Variants in PPFIA1 observed in about 807,000 individuals in gnomAD.
PPFIA1 encodes PPFI scaffold protein A1.
PPFIA1 carries 25 observed loss-of-function variants against 149.9 expected under a neutral mutation model. The ratio of observed to expected loss-of-function variants is 0.17; its 90% CI spans 0.12 to 0.23. The LOEUF (loss-of-function observed/expected upper bound fraction) is 0.23. PPFIA1 is among the 10% of genes least tolerant of loss of function. The pLI is 1.00. For missense variants in PPFIA1, 1,362 were observed against 1,506.5 expected (o/e 0.90, Z 1.59); for synonymous variants, 549 against 552.8 (o/e 0.99, Z 0.10).
chr11:70,352,762 G>A (rs575994301), intron 16 of PPFIA1, among the ~76,000 whole-genome samples: 2 of 120,666 alleles, frequency 1.7e-5, no homozygotes, highest in African/African-American at 3.6e-5. Context: ...GGAGGGCGGC[G>A]TGTGGAGGTG....
In PPFIA1 at chr11:70,326,836, C is replaced by T. The variant is rs542699097; in HGVS notation, c.930+18C>T. 1 of 1,593,378 alleles carries T rather than the reference C, an allele frequency of 6.3e-7. No individual in the cohort carries two copies. The highest frequency in any genetic ancestry group is 1.7e-5 in the Admixed American group (1 of 59,730). On this transcript the variant is annotated intron_variant, in intron 7 of 27. Transcript: ENST00000253925. Reference sequence around the variant, plus strand: ...TCCGTGAAGTGAGCAATAACAAAAACTACAGTCTTGTCATGAAGTTGTATG... The same window carrying T: ...TCCGTGAAGTGAGCAATAACAAAAATTACAGTCTTGTCATGAAGTTGTATG...
intron 16 of PPFIA1, chr11:70,350,847 G>C (rs998427632): frequency 4.4e-6 from 1 of 227,426 alleles, no homozygotes; most frequent in Non-Finnish European, 7.5e-6. Context: ...TGAAAAAATG[G>C]TTCTGTATCC....
intron 2 of PPFIA1, among the ~76,000 whole-genome samples, chr11:70,315,405 G>A (rs1314478108): frequency 1.3e-5 from 2 of 152,168 alleles, no homozygotes; most frequent in Non-Finnish European, 2.9e-5. Flanking sequence ...CTGACGGGCA[G>A]ATAGATATAG....
At chr11:70,368,079 A>G (rs1377964783) in intron 21 of PPFIA1, among the ~76,000 whole-genome samples, 1 of 152,156 alleles carries the variant, frequency 6.6e-6, no homozygotes, top group African/African-American at 2.4e-5. Context: ...TGGACGTTAC[A>G]GTGAGCCGAG....
At chr11:70,376,918 C>T (rs182794686) in intron 25 of PPFIA1, among the ~76,000 whole-genome samples, 36 of 152,122 alleles carry the variant, frequency 2.4e-4, no homozygotes, top group Middle Eastern at 6.8e-3. Context: ...CTAAAAAACA[C>T]AAAAATTAGC....
chr11:70,305,415 C>G (rs2052781782), intron 2 of PPFIA1, among the ~76,000 whole-genome samples: 1 of 152,116 alleles, frequency 6.6e-6, no homozygotes, highest in African/African-American at 2.4e-5. Context: ...TCACTCTGGC[C>G]AAGCTGGAGT....
chr11:70,326,146 C>T, intron 5 of PPFIA1, 116 bp from the exon 6 acceptor site: 2 of 631,910 alleles, frequency 3.2e-6, no homozygotes, highest in East Asian at 2.8e-5. Context: ...TATGCTTTCT[C>T]TTTTATACTA....
chr11:70,363,884 C>G (rs781428955), intron 21 of PPFIA1, among the ~76,000 whole-genome samples: 8 of 151,800 alleles, frequency 5.3e-5, no homozygotes, highest in Non-Finnish European at 1.2e-4. Context: ...AAAACTGATC[C>G]CTAAGGAATT....
chr11:70,359,543 G>C (rs148064828), intron 19 of PPFIA1, among the ~76,000 whole-genome samples: 99 of 152,236 alleles, frequency 6.5e-4, no homozygotes, highest in African/African-American at 2.4e-3. Flanking sequence ...AGCAAGTCTT[G>C]TTCACTCTAT....
In PPFIA1 at chr11:70,365,008, AAG is replaced by A. The variant is rs533201653; in HGVS notation, c.2865+2523_2865+2524del. The A allele has an allele frequency of 1.2e-3, 199 of 165,560 alleles. 1 individual carries two copies. Among genetic ancestry groups the A allele is most frequent in the Non-Finnish European group, 1.9e-3 (142 of 76,420 alleles). The allele number at this position is 165,560 out of a possible 1,614,324, so 10.3% of individuals were successfully genotyped here. ...GAGAAAGCCCTCCAATAGCCAAAGC[AAG>A]AGTTTCATGCTGGGTTCTTTGTTGT... On this transcript the variant is annotated intron_variant, in intron 21 of 27. Transcript: ENST00000253925.
chr11:70,328,663 G>T (rs951615511), intron 7 of PPFIA1, among the ~76,000 whole-genome samples: 1 of 151,748 alleles, frequency 6.6e-6, no homozygotes, highest in Non-Finnish European at 1.5e-5. Context: ...TGTCTTCCAC[G>T]ATGGTTGAAC....
intron 2 of PPFIA1, among the ~76,000 whole-genome samples, chr11:70,315,931 G>A (rs1352015219): frequency 2.0e-5 from 3 of 151,834 alleles, no homozygotes; most frequent in African/African-American, 7.3e-5. Context: ...CTATCTCTAT[G>A]AGTTTGACTG....
At chr11:70,325,414 G>A (rs966440886) in intron 4 of PPFIA1, 86 bp from the exon 5 acceptor site, 3 of 767,830 alleles carry the variant, frequency 3.9e-6, no homozygotes, top group East Asian at 2.9e-5. Flanking sequence ...TATACATTAA[G>A]TGTATATATT....
chr11:70,300,684 C>T (rs926358761), intron 2 of PPFIA1, among the ~76,000 whole-genome samples: 3 of 152,164 alleles, frequency 2.0e-5, no homozygotes, highest in Non-Finnish European at 4.4e-5. Context: ...CAGGCGCCCG[C>T]CACCACGCCC....
intron 15 of PPFIA1, 74 bp from the exon 16 acceptor site, chr11:70,348,115 C>A: frequency 7.7e-7 from 1 of 1,302,894 alleles, no homozygotes; most frequent in Non-Finnish European, 1.1e-6. Context: ...AGAGTATAAG[C>A]ATGGTTTTTC....
At chr11:70,309,189 A>G (rs1398000576) in intron 2 of PPFIA1, among the ~76,000 whole-genome samples, 2 of 150,342 alleles carry the variant, frequency 1.3e-5, no homozygotes, top group Non-Finnish European at 3.0e-5. Flanking sequence ...TTTTTTTTTG[A>G]AATGGAGTCT....
chr11:70,300,747 A>C lies in PPFIA1; in HGVS notation c.265-23655A>C, dbSNP rs1038267556. Among the ~76,000 whole-genome samples the C allele has an allele frequency of 3.9e-5, 6 of 152,152 alleles. No individual in the cohort carries two copies. In the South Asian group the frequency reaches 1.2e-3, roughly 32 times the overall value. On this transcript the variant is annotated intron_variant, in intron 2 of 27. Transcript: ENST00000253925. ...ACAGGGTTTCACCATGTTGGCCAGG[A>C]TGGTCTCGATCTCCTGATCTTGTGA...
chr11:70,345,651 C>T (rs1428438522), intron 15 of PPFIA1, among the ~76,000 whole-genome samples: 2 of 151,842 alleles, frequency 1.3e-5, no homozygotes, highest in African/African-American at 4.8e-5. Context: ...AGGAAGACCT[C>T]ATCTCTACAA....
intron 2 of PPFIA1, among the ~76,000 whole-genome samples, chr11:70,274,125 T>A (rs1024733693): frequency 6.6e-6 from 1 of 152,212 alleles, no homozygotes; most frequent in Non-Finnish European, 1.5e-5. Context: ...CTTTCAAAAA[T>A]GGAAACTATT....
Sources: gnomAD v4.1 joint callset for allele counts (sites outside exome capture counted in the v4.1 genomes callset) on GRCh38, gnomAD v4.1.1 for gene constraint, MANE v1.5 for transcripts, NCBI Gene and HGNC (gene_info 2026-07-23, HGNC 2026-07-21) for gene names.